GALNT13: variants seen among roughly 807,000 people sequenced by gnomAD.
The protein encoded by GALNT13 is UDP-GalNAc:polypeptide N-acetylgalactosaminyltransferase 13.
Under a neutral mutation model 64.2 loss-of-function variants are expected in GALNT13, and 28 were observed. The ratio of observed to expected loss-of-function variants is 0.44; its 90% confidence interval spans 0.32 to 0.60. GALNT13 has a LOEUF of 0.60. GALNT13 is among the 20% of genes least tolerant of loss of function. The pLI is 0.05. For synonymous variants in GALNT13, 214 were observed against 224.6 expected (o/e 0.95, Z 0.42); for missense variants, 577 against 669.8 (o/e 0.86, Z 1.53).
At chr2:153,322,743 C>T in the GALNT13 span, among the ~76,000 whole-genome samples, 4 of 152,124 alleles carry the variant, frequency 2.6e-5, no homozygotes, top group African/African-American at 4.8e-5. Flanking sequence ...TGAGTGAGAA[C>T]ATGCAGTGTT....
chr2:154,423,084 C>G (rs541191630), intron 11 of GALNT13, among the ~76,000 whole-genome samples: 2 of 129,156 alleles, frequency 1.5e-5, no homozygotes, highest in East Asian at 2.8e-4. Flanking sequence ...CACAACAGGC[C>G]CTGGTGTGTG....
the GALNT13 span, among the ~76,000 whole-genome samples, chr2:153,340,558 G>A: frequency 6.6e-6 from 1 of 151,912 alleles, no homozygotes; most frequent in African/African-American, 2.4e-5. Flanking sequence ...AGGAGGCCGA[G>A]GCAGGAGAAT....
intron 7 of GALNT13, among the ~76,000 whole-genome samples, chr2:154,246,259 T>C (rs1689776424): frequency 6.6e-6 from 1 of 152,148 alleles, no homozygotes. Context: ...ATTTTCTATG[T>C]GACAGAAATG....
At position 154,153,060 on chromosome 2, in the gene GALNT13, T is replaced by A. The variant is rs182806118; in HGVS notation, c.311+12555T>A. Reference sequence around the variant, plus strand: ...CTCTGTTTTTTCCCCATCTTTGTGGTTTTATCTACTTCTGGTCTTTGATGA... The same window carrying A: ...CTCTGTTTTTTCCCCATCTTTGTGGATTTATCTACTTCTGGTCTTTGATGA... On this transcript the variant is annotated intron_variant, in intron 4 of 12. Transcript: ENST00000392825. Among the ~76,000 whole-genome samples, 1,072 of 152,224 alleles carry A rather than the reference T, an allele frequency of 7.0e-3. 13 individuals are homozygous for A. The highest frequency in any genetic ancestry group is 0.025 in the African/African-American group (1,034 of 41,530).
chr2:153,921,455 G>A (rs568038190), intron 2 of GALNT13, among the ~76,000 whole-genome samples: 5 of 152,130 alleles, frequency 3.3e-5, no homozygotes, highest in African/African-American at 1.2e-4. Context: ...AGGCACCAAG[G>A]CCTGCTTGAG....
At chr2:154,346,896 G>A (rs1014377284) in intron 9 of GALNT13, among the ~76,000 whole-genome samples, 1 of 152,060 alleles carries the variant, frequency 6.6e-6, no homozygotes, top group Admixed American at 6.6e-5. Flanking sequence ...TCTGAAAATA[G>A]ATTTGATACA....
intron 3 of GALNT13, among the ~76,000 whole-genome samples, chr2:153,999,270 C>CT (rs35266639): frequency 0.13 from 18,824 of 141,256 alleles, 1,439 homozygotes; most frequent in African/African-American, 0.21. Context: ...TATGAACTTC[C>CT]TTTTTTTTTT....
At chr2:154,103,000 T>C in intron 3 of GALNT13, among the ~76,000 whole-genome samples, 1 of 152,144 alleles carries the variant, frequency 6.6e-6, no homozygotes, top group East Asian at 1.9e-4. Context: ...GATGTTTCTT[T>C]TGTATAGTAT....
At chr2:153,213,719 C>T in the GALNT13 span, among the ~76,000 whole-genome samples, 3 of 152,070 alleles carry the variant, frequency 2.0e-5, no homozygotes, top group Non-Finnish European at 2.9e-5. Flanking sequence ...TTTTTTAGTT[C>T]TCTGAGCCTC....
chr2:153,069,407 G>C, the GALNT13 span, among the ~76,000 whole-genome samples: 7 of 152,292 alleles, frequency 4.6e-5, no homozygotes, highest in South Asian at 1.2e-3. Context: ...GATGATGAAA[G>C]GGTTGGAGTA....
intron 3 of GALNT13, among the ~76,000 whole-genome samples, chr2:153,950,010 T>C (rs1692054322): frequency 1.3e-5 from 2 of 151,924 alleles, no homozygotes; most frequent in South Asian, 4.1e-4. Flanking sequence ...GAAAAATATT[T>C]AGACATCTAT....
chr2:153,413,529 A>G, the GALNT13 span, among the ~76,000 whole-genome samples: 1 of 151,972 alleles, frequency 6.6e-6, no homozygotes, highest in Non-Finnish European at 1.5e-5. Context: ...AATTTCATCC[A>G]TTGATTTCCA....
the GALNT13 span, among the ~76,000 whole-genome samples, chr2:153,842,693 T>C: frequency 2.0e-5 from 3 of 150,004 alleles, no homozygotes; most frequent in African/African-American, 7.4e-5. Flanking sequence ...AACTAAAGCA[T>C]GCTGACAATG....
At chr2:153,837,220 C>T in the GALNT13 span, among the ~76,000 whole-genome samples, 25 of 152,098 alleles carry the variant, frequency 1.6e-4, no homozygotes, top group Non-Finnish European at 2.8e-4. Context: ...TGAGATGATA[C>T]CTCATTGTGG....
intron 3 of GALNT13, among the ~76,000 whole-genome samples, chr2:154,020,664 G>C (rs1574345900): frequency 6.6e-6 from 1 of 151,140 alleles, no homozygotes; most frequent in East Asian, 1.9e-4. Flanking sequence ...TGTTCACTCT[G>C]ATGGTAGTTT....
At chr2:154,272,288 A>G (rs941339648) in intron 8 of GALNT13, among the ~76,000 whole-genome samples, 12 of 152,082 alleles carry the variant, frequency 7.9e-5, no homozygotes, top group Admixed American at 7.2e-4. Flanking sequence ...TTATTCTTTA[A>G]CAGATACAAG....
chr2:153,394,521 T>G, the GALNT13 span, among the ~76,000 whole-genome samples: 1 of 152,192 alleles, frequency 6.6e-6, no homozygotes, highest in Admixed American at 6.6e-5. Context: ...TAATTCATCC[T>G]CACTTCCCAA....
the GALNT13 span, among the ~76,000 whole-genome samples, chr2:153,334,140 A>C: frequency 6.6e-6 from 1 of 152,206 alleles, no homozygotes. Context: ...TTAACAAAAA[A>C]AGAAATGAGA....
At chr2:153,685,454 G>T in the GALNT13 span, among the ~76,000 whole-genome samples, 5 of 151,896 alleles carry the variant, frequency 3.3e-5, no homozygotes, top group Admixed American at 2.0e-4. Flanking sequence ...TTGGCCACAT[G>T]TAAGTCTTCT....
Sources: allele counts gnomAD v4.1 joint callset (sites outside exome capture counted in the v4.1 genomes callset), GRCh38; gene constraint gnomAD v4.1.1; transcripts MANE v1.5; gene names NCBI Gene and HGNC (gene_info 2026-07-23, HGNC 2026-07-21).